LIMCH1: variants seen among roughly 807,000 people sequenced by gnomAD.
The protein encoded by LIMCH1 is LIM and calponin homology domains-containing protein 1.
In LIMCH1, 113 loss-of-function variants were observed where a neutral mutation model predicts 176.5. That is an observed-to-expected ratio of 0.64 (90% CI 0.55 to 0.75). The LOEUF (loss-of-function observed/expected upper bound fraction) is 0.75, where lower values mean the gene tolerates loss of function less well. Among genes scored for constraint, LIMCH1 ranks in the 30% least tolerant of loss-of-function variants. The pLI is 0.00. For synonymous variants in LIMCH1, 619 were observed against 645.9 expected (o/e 0.96, Z 0.63); for missense variants, 1,674 against 1,814.9 (o/e 0.92, Z 1.41).
chr4:41,650,557 T>C lies in LIMCH1; in HGVS notation c.2985T>C (p.Gly995=). The C allele has an allele frequency of 6.2e-7, 1 of 1,613,806 alleles. No individual in the cohort carries two copies. The highest frequency in any genetic ancestry group is 1.1e-5 in the South Asian group (1 of 91,034). The change falls in exon 18 of 32, where the codon GGT becomes GGC. Residue 995 remains glycine (G), a synonymous_variant. Coordinates refer to ENST00000503057, the MANE Select transcript of LIMCH1 (RefSeq NM_001330672.2). The stretch of plus-strand genomic sequence containing the variant: ...CACTGGAGCTGAAACAAGACAACGG[T>C]AGCATCGAGATCAACATAAAGAAGC... The part of the protein sequence containing the change: ...GSPLELKQDN[G]SIEINIKKPN...
At chr4:41,484,230 A>G (rs1244572793) in intron 1 of LIMCH1, among the ~76,000 whole-genome samples, 1 of 152,208 alleles carries the variant, frequency 6.6e-6, no homozygotes, top group Non-Finnish European at 1.5e-5. Context: ...CATCTTTTCC[A>G]TCAATCTATT....
intron 1 of LIMCH1, among the ~76,000 whole-genome samples, chr4:41,581,803 C>G (rs2085493172): frequency 2.1e-5 from 1 of 48,734 alleles, no homozygotes; most frequent in Non-Finnish European, 3.2e-5. Flanking sequence ...AAGACTCTGT[C>G]TCAAAAAAAA....
intron 3 of LIMCH1, among the ~76,000 whole-genome samples, chr4:41,526,732 C>A (rs1378229176): frequency 6.6e-6 from 1 of 152,188 alleles, no homozygotes; most frequent in East Asian, 1.9e-4. Flanking sequence ...CTACTGGCAC[C>A]TCAAACTTAA....
rs575673137 is a variant in LIMCH1, at chr4:41,577,141, G to A, written c.-240-21779G>A. ...CTGGAACCAATTCCCTGCATGTACCGAGGGATGACTGTACACCAAATACTT... is the reference window on the plus strand; with the variant it reads ...CTGGAACCAATTCCCTGCATGTACCAAGGGATGACTGTACACCAAATACTT... On this transcript the variant is annotated intron_variant, in intron 1 of 31. Transcript: ENST00000503057. 8.5e-5 allele frequency among the ~76,000 whole-genome samples: 13 copies of A among 152,178 alleles called. No homozygotes were observed. The South Asian group carries it at 1.2e-3, about 15-fold the overall frequency.
chr4:41,649,227 C>T (rs1357312636), intron 17 of LIMCH1, among the ~76,000 whole-genome samples: 1 of 152,100 alleles, frequency 6.6e-6, no homozygotes, highest in African/African-American at 2.4e-5. Context: ...TGATGAAACC[C>T]TGTCTCTACT....
At chr4:41,548,484 A>G (rs181063177) in intron 1 of LIMCH1, among the ~76,000 whole-genome samples, 31 of 152,306 alleles carry the variant, frequency 2.0e-4, no homozygotes, top group Non-Finnish European at 4.4e-4. Context: ...ATTTTCTCTT[A>G]TTCAAAAAGC....
At chr4:41,568,630 A>G (rs1302238222) in intron 1 of LIMCH1, among the ~76,000 whole-genome samples, 1 of 152,168 alleles carries the variant, frequency 6.6e-6, no homozygotes, top group African/African-American at 2.4e-5. Context: ...ATAGGCCAAA[A>G]TGTTGATGAA....
intron 2 of LIMCH1, among the ~76,000 whole-genome samples, chr4:41,515,772 TG>T (rs935988439): frequency 3.9e-5 from 6 of 152,216 alleles, no homozygotes; most frequent in Non-Finnish European, 2.9e-5. Context: ...TGGAATTTTA[TG>T]GATCCCAATC....
intron 1 of LIMCH1, among the ~76,000 whole-genome samples, chr4:41,401,184 A>C (rs933845275): frequency 1.3e-5 from 2 of 152,150 alleles, no homozygotes; most frequent in Non-Finnish European, 2.9e-5. Flanking sequence ...TTAAGTTTTT[A>C]ATCCACCTTG....
chr4:41,687,910 C>T lies in LIMCH1; in HGVS notation c.4159C>T (p.Pro1387Ser). 2.5e-6 allele frequency: 4 copies of T among 1,613,094 alleles called. No individual in the cohort carries two copies. The highest frequency in any genetic ancestry group is 3.4e-6 in the Non-Finnish European group (4 of 1,179,338). ...PCSPTPPGQSPNRSISGKKLC... is the reference protein window; with the variant it reads ...PCSPTPPGQSSNRSISGKKLC... ...TTCTCCCACCCCTCCCGGTCAGTCACCAAACAGGTACAAGAGGTCAGCAGG... is the reference window on the plus strand; with the variant it reads ...TTCTCCCACCCCTCCCGGTCAGTCATCAAACAGGTACAAGAGGTCAGCAGG... Residue 1387 changes from proline to serine, a missense_variant, in exon 29 of 32, where the codon CCA becomes TCA. This residue lies in a region of LIMCH1 where 1,015 missense variants were observed against 1,102.5 expected (regional missense o/e 0.92). Coordinates refer to ENST00000503057, the MANE Select transcript of LIMCH1 (RefSeq NM_001330672.2).
chr4:41,403,013 C>G (rs916133907), intron 1 of LIMCH1, among the ~76,000 whole-genome samples: 3 of 151,262 alleles, frequency 2.0e-5, no homozygotes, highest in Admixed American at 1.3e-4. Flanking sequence ...TATCCAAATG[C>G]TGAAAATGAA....
At chr4:41,440,299 T>G (rs1435790654) in intron 1 of LIMCH1, among the ~76,000 whole-genome samples, 1 of 152,200 alleles carries the variant, frequency 6.6e-6, no homozygotes. Flanking sequence ...TAAAACAATG[T>G]TTCTATGAGA....
At chr4:41,583,520 C>T (rs1056662863) in intron 1 of LIMCH1, among the ~76,000 whole-genome samples, 1 of 152,158 alleles carries the variant, frequency 6.6e-6, no homozygotes, top group African/African-American at 2.4e-5. Context: ...AAGAAGAAGC[C>T]AGTATCCATG....
chr4:41,609,992 C>T (rs1049759053), intron 4 of LIMCH1, among the ~76,000 whole-genome samples: 9 of 152,206 alleles, frequency 5.9e-5, no homozygotes, highest in African/African-American at 1.2e-4. Flanking sequence ...TGAGCTTCCT[C>T]GGGACGAGCT....
intron 1 of LIMCH1, among the ~76,000 whole-genome samples, chr4:41,585,657 A>G (rs889592858): frequency 1.4e-4 from 22 of 152,366 alleles, no homozygotes; most frequent in African/African-American, 5.0e-4. Flanking sequence ...CTCACCAGCA[A>G]TGCACAGTGG....
At chr4:41,517,158 C>T (rs1340498513) in intron 2 of LIMCH1, among the ~76,000 whole-genome samples, 3 of 152,228 alleles carry the variant, frequency 2.0e-5, no homozygotes, top group East Asian at 1.9e-4. Context: ...CGAGGACTTC[C>T]GGGTGTCAAC....
At chr4:41,478,203 T>C (rs1008288387) in intron 1 of LIMCH1, among the ~76,000 whole-genome samples, 1 of 152,228 alleles carries the variant, frequency 6.6e-6, no homozygotes, top group African/African-American at 2.4e-5. Context: ...TAGCTAATTA[T>C]TGAAGGTGAA....
chr4:41,432,450 G>T (rs761806610), intron 1 of LIMCH1, among the ~76,000 whole-genome samples: 7 of 152,164 alleles, frequency 4.6e-5, no homozygotes, highest in African/African-American at 1.4e-4. Context: ...TAACAGGAGG[G>T]TTAGTACTGA....
intron 7 of LIMCH1, among the ~76,000 whole-genome samples, chr4:41,622,536 G>A (rs1413435536): frequency 2.6e-5 from 4 of 152,178 alleles, no homozygotes; most frequent in Non-Finnish European, 5.9e-5. Context: ...GCGGCATTAA[G>A]CTAATTCAGC....
Sources: allele counts gnomAD v4.1 joint callset (sites outside exome capture counted in the v4.1 genomes callset), GRCh38; gene constraint gnomAD v4.1.1; regional missense constraint gnomAD v4.1.1; transcripts MANE v1.5; gene names NCBI Gene and HGNC (gene_info 2026-07-23, HGNC 2026-07-21).